The following ARHGDIB variants were observed in gnomAD, a reference collection of about 807,000 sequenced individuals.
The protein encoded by ARHGDIB is Rho GDP dissociation inhibitor beta, also known as rho GDP-dissociation inhibitor 2.
Under a neutral mutation model 22.6 loss-of-function variants are expected in ARHGDIB, and 20 were observed. That is an observed-to-expected ratio of 0.88 (90% CI 0.62 to 1.28). ARHGDIB has a LOEUF of 1.28. Among genes scored for constraint, ARHGDIB ranks in the 50% most tolerant of loss-of-function variants. The pLI is 0.00. For synonymous variants in ARHGDIB, 114 were observed against 96.1 expected, an observed-to-expected ratio of 1.19 and a Z score of -1.09; for missense variants, 254 against 245.4, an observed-to-expected ratio of 1.04 and a Z score of -0.23.
chr12:14,955,619 T>A (rs1456029414), intron 1 of ARHGDIB, among the ~76,000 whole-genome samples: 1 of 152,182 alleles, frequency 6.6e-6, no homozygotes, highest in African/African-American at 2.4e-5. Context: ...CAATACAATA[T>A]TATTAAGCAT....
At chr12:14,944,043 T>C (rs1234469655) in intron 5 of ARHGDIB, among the ~76,000 whole-genome samples, 1 of 151,964 alleles carries the variant, frequency 6.6e-6, no homozygotes, top group African/African-American at 2.4e-5. Flanking sequence ...TTCTCCCCTA[T>C]CTTGCTTATT....
At chr12:14,954,936 T>A (rs1275022362) in intron 1 of ARHGDIB, among the ~76,000 whole-genome samples, 1 of 152,224 alleles carries the variant, frequency 6.6e-6, no homozygotes, top group Non-Finnish European at 1.5e-5. Context: ...TTATGTTGTA[T>A]ACCTTAAATA....
intron 4 of ARHGDIB, among the ~76,000 whole-genome samples, chr12:14,945,402 G>T (rs1483549765): frequency 6.6e-6 from 1 of 152,240 alleles, no homozygotes; most frequent in East Asian, 1.9e-4. Context: ...TGGCAAGTAT[G>T]TTGGATGTCT....
At chr12:14,954,277 T>C (rs1386402857) in intron 1 of ARHGDIB, among the ~76,000 whole-genome samples, 1 of 152,162 alleles carries the variant, frequency 6.6e-6, no homozygotes, top group Non-Finnish European at 1.5e-5. Context: ...AGAAGCTTGC[T>C]TTTTCCTGGA....
intron 3 of ARHGDIB, among the ~76,000 whole-genome samples, chr12:14,948,300 G>C (rs750750162): frequency 1.3e-5 from 2 of 151,932 alleles, no homozygotes. Context: ...TTATATTACT[G>C]GTCAAATGAA....
In ARHGDIB at chr12:14,942,603, C is replaced by G; in HGVS notation, c.525G>C (p.Lys175Asn). ...GMLARGTYHN[K>N]SFFTDDDKQD... ...GCTTGTCATCGTCGGTGAAGAAGGACTTGTTGTGGTACGTGCCTCGCGCCA... is the reference window on the plus strand; with the variant it reads ...GCTTGTCATCGTCGGTGAAGAAGGAGTTGTTGTGGTACGTGCCTCGCGCCA... The change falls in exon 6 of 6, where the codon AAG becomes AAC. Residue 175 changes from lysine to asparagine, a missense_variant. By Grantham distance (94) the Lys-to-Asn change is moderately conservative. Transcript: ENST00000228945. 1 of 1,614,202 alleles carries G rather than the reference C, an allele frequency of 6.2e-7. No individual in the cohort carries two copies. Among genetic ancestry groups the G allele is most frequent in the Non-Finnish European group, 8.5e-7 (1 of 1,180,034 alleles).
chr12:14,950,793 T>A, intron 1 of ARHGDIB, 69 bp from the exon 2 acceptor site: 1 of 1,308,156 alleles, frequency 7.6e-7, no homozygotes, highest in Non-Finnish European at 1.0e-6. Flanking sequence ...GGGGCTGCTG[T>A]TAGCAGCCTC....
At chr12:14,948,764 T>C (rs1864091875) in intron 3 of ARHGDIB, 1 of 152,236 alleles carries the variant, frequency 6.6e-6, no homozygotes, top group African/African-American at 2.4e-5. Flanking sequence ...TCTTTAGCGC[T>C]AATTCAGACC....
intron 1 of ARHGDIB, among the ~76,000 whole-genome samples, chr12:14,957,965 G>A (rs575187282): frequency 1.4e-4 from 22 of 152,296 alleles, no homozygotes; most frequent in African/African-American, 5.3e-4. Flanking sequence ...AAGTTCCTAT[G>A]TGAGCATCAG....
At chr12:14,961,368 C>A (rs1460744682) in intron 1 of ARHGDIB, 169 bp downstream of exon 1, 2 of 152,238 alleles carry the variant, frequency 1.3e-5, no homozygotes, top group Non-Finnish European at 2.9e-5. Flanking sequence ...CTCTAACTTC[C>A]CCTTCTCTGC....
chr12:14,950,018 T>A, intron 2 of ARHGDIB, 133 bp from the exon 3 acceptor site: 1 of 834,612 alleles, frequency 1.2e-6, no homozygotes, highest in Non-Finnish European at 1.8e-6. Context: ...GAAATGGATG[T>A]GGCAGGTTTG....
chr12:14,947,999 G>A (rs779177943), intron 3 of ARHGDIB, 50 bp from the exon 4 acceptor site: 1 of 1,479,976 alleles, frequency 6.8e-7, no homozygotes, highest in South Asian at 1.1e-5. Context: ...AGATACACAA[G>A]TTAATAAATG....
chr12:14,953,050 T>C (rs10846093), intron 1 of ARHGDIB, among the ~76,000 whole-genome samples: 38,712 of 152,148 alleles, frequency 0.25, 5,002 homozygotes, highest in Middle Eastern at 0.31. Flanking sequence ...ACCATTGGCA[T>C]GTCCATTTAT....
At chr12:14,956,274 C>T (rs1221315621) in intron 1 of ARHGDIB, 1 of 152,206 alleles carries the variant, frequency 6.6e-6, no homozygotes, top group Non-Finnish European at 1.5e-5. Flanking sequence ...TTCAGCGCAA[C>T]TCGGTTCCTG....
intron 4 of ARHGDIB, among the ~76,000 whole-genome samples, chr12:14,946,828 G>A (rs1864027188): frequency 1.3e-5 from 2 of 152,178 alleles, no homozygotes; most frequent in Admixed American, 1.3e-4. Context: ...TGAAACTGAT[G>A]TGCAACCCAT....
At chr12:14,958,710 G>T (rs1293777689) in intron 1 of ARHGDIB, among the ~76,000 whole-genome samples, 1 of 152,210 alleles carries the variant, frequency 6.6e-6, no homozygotes, top group Non-Finnish European at 1.5e-5. Flanking sequence ...ACAGAATTGA[G>T]AGAGAATTTT....
intron 4 of ARHGDIB, among the ~76,000 whole-genome samples, chr12:14,946,861 G>A (rs1449433052): frequency 2.6e-5 from 4 of 152,206 alleles, no homozygotes; most frequent in Non-Finnish European, 5.9e-5. Context: ...TTGATATAAT[G>A]CCTTACCAAA....
At chr12:14,944,869 G>T (rs780809225) in intron 4 of ARHGDIB, 30 bp from the exon 5 acceptor site, 19 of 1,595,682 alleles carry the variant, frequency 1.2e-5, no homozygotes, top group Non-Finnish European at 2.6e-6. Flanking sequence ...AAGATGTTCA[G>T]ATTAAGAGGG....
At chr12:14,960,157 T>G (rs1246762912) in intron 1 of ARHGDIB, among the ~76,000 whole-genome samples, 1 of 152,140 alleles carries the variant, frequency 6.6e-6, no homozygotes, top group Non-Finnish European at 1.5e-5. Flanking sequence ...CCATGAGCCC[T>G]CCGGGTGAGA....
Sources: gnomAD v4.1 joint callset for allele counts (sites outside exome capture counted in the v4.1 genomes callset) on GRCh38, gnomAD v4.1.1 for gene constraint, MANE v1.5 for transcripts, NCBI Gene and HGNC (gene_info 2026-07-23, HGNC 2026-07-21) for gene names.